The following CUBN variants were observed in gnomAD, a reference collection of about 807,000 sequenced individuals.
CUBN encodes 460 kDa receptor.
CUBN carries 282 observed loss-of-function variants against 405.3 expected under a neutral mutation model. The ratio of observed to expected loss-of-function variants is 0.70; its 90% confidence interval spans 0.63 to 0.77. The LOEUF is 0.77. Ranked by LOEUF, CUBN falls within the 30% of genes least tolerant of loss-of-function variation. CUBN has a pLI of 0.00. For synonymous variants in CUBN, 1,684 were observed against 1,617.0 expected, an observed-to-expected ratio of 1.04 and a Z score of -0.99; for missense variants, 4,514 against 4,475.2, an observed-to-expected ratio of 1.01 and a Z score of -0.25.
chr10:17,114,905 A>G (rs1836853688), intron 7 of CUBN, among the ~76,000 whole-genome samples: 1 of 152,330 alleles, frequency 6.6e-6, no homozygotes, highest in Non-Finnish European at 1.5e-5. Flanking sequence ...TACAAGGCCA[A>G]GAGAAGGTCT....
At chr10:16,977,855 T>G (rs1564458168) in intron 31 of CUBN, among the ~76,000 whole-genome samples, 2 of 152,230 alleles carry the variant, frequency 1.3e-5, no homozygotes, top group Non-Finnish European at 2.9e-5. Flanking sequence ...CCTGCAGCAC[T>G]TGAACAGATG....
chr10:17,027,235 T>G (rs1168114899), intron 27 of CUBN, among the ~76,000 whole-genome samples: 1 of 152,228 alleles, frequency 6.6e-6, no homozygotes, highest in Non-Finnish European at 1.5e-5. Context: ...ATCTCAGAAC[T>G]GTTTCTAATG....
intron 31 of CUBN, among the ~76,000 whole-genome samples, chr10:16,968,958 A>C (rs1588532647): frequency 6.6e-6 from 1 of 152,186 alleles, no homozygotes; most frequent in Admixed American, 6.5e-5. Flanking sequence ...ATGTGTTGAA[A>C]CCTGCCTGCA....
chr10:17,057,154 T>A (rs1835413915), intron 22 of CUBN, among the ~76,000 whole-genome samples: 1 of 152,168 alleles, frequency 6.6e-6, no homozygotes, highest in Admixed American at 6.5e-5. Flanking sequence ...AAGGGTGAGC[T>A]GGTGGTAGAA....
chr10:17,123,933 A>C (rs1036560659), intron 4 of CUBN, among the ~76,000 whole-genome samples: 1 of 152,164 alleles, frequency 6.6e-6, no homozygotes, highest in African/African-American at 2.4e-5. Flanking sequence ...GGTGGGATGA[A>C]GTCTGAGGGG....
intron 56 of CUBN, among the ~76,000 whole-genome samples, chr10:16,886,865 C>T (rs756448728): frequency 2.5e-4 from 38 of 152,278 alleles, no homozygotes; most frequent in Non-Finnish European, 3.8e-4. Context: ...CTAGGCTCAC[C>T]GCAACTTCCG....
chr10:16,849,530 T>C lies in CUBN; in HGVS notation c.9663+1705A>G, dbSNP rs553144923. Among the ~76,000 whole-genome samples the C allele has an allele frequency of 7.2e-5, 11 of 152,342 alleles. No homozygotes were observed. In the South Asian group the frequency reaches 1.0e-3, roughly 14 times the overall value. ...GTCTTGCTCTCACCAAACCACACTGTTATTTTTCTGGCCTCCCAACCTTAG... is the reference window on the plus strand; with the variant it reads ...GTCTTGCTCTCACCAAACCACACTGCTATTTTTCTGGCCTCCCAACCTTAG... On this transcript the variant is annotated intron_variant, in intron 60 of 66. Coordinates refer to ENST00000377833, the MANE Select transcript of CUBN (RefSeq NM_001081.4).
At chr10:16,839,901 G>T (rs1158025088) in intron 62 of CUBN, among the ~76,000 whole-genome samples, 6 of 151,992 alleles carry the variant, frequency 3.9e-5, no homozygotes, top group East Asian at 3.9e-4. Context: ...AAATGATGAG[G>T]TCATGTCCTT....
intron 27 of CUBN, among the ~76,000 whole-genome samples, chr10:17,023,073 C>T (rs968800483): frequency 3.3e-5 from 5 of 152,044 alleles, no homozygotes; most frequent in African/African-American, 9.7e-5. Flanking sequence ...AGAAATGTGG[C>T]ATTTTCACGT....
intron 23 of CUBN, among the ~76,000 whole-genome samples, chr10:17,046,659 G>T (rs1468517888): frequency 1.3e-5 from 2 of 152,092 alleles, no homozygotes; most frequent in African/African-American, 4.8e-5. Flanking sequence ...GTGAGTAACT[G>T]CTGTAAATTA....
chr10:16,870,287 T>C (rs544439115), intron 58 of CUBN, among the ~76,000 whole-genome samples: 25 of 152,354 alleles, frequency 1.6e-4, no homozygotes, highest in African/African-American at 5.8e-4. Flanking sequence ...ATGGGAAGCA[T>C]GTTAATATAA....
At chr10:16,994,079 A>C (rs1249773539) in intron 28 of CUBN, among the ~76,000 whole-genome samples, 1 of 152,226 alleles carries the variant, frequency 6.6e-6, no homozygotes, top group Non-Finnish European at 1.5e-5. Context: ...ATATGCATAC[A>C]TATGTAACAA....
At position 16,932,022 on chromosome 10, in the gene CUBN, G is replaced by A. The variant is rs78929505; in HGVS notation, c.6124+1065C>T. Among the ~76,000 whole-genome samples the A allele has an allele frequency of 4.5e-4, 68 of 152,306 alleles. No individual in the cohort carries two copies. In the East Asian group the frequency reaches 9.7e-3, roughly 22 times the overall value. On this transcript the variant is annotated intron_variant, in intron 40 of 66. Coordinates refer to ENST00000377833, the MANE Select transcript of CUBN (RefSeq NM_001081.4). ...AGTATGCACAGGAAGGCTTAGATGT[G>A]AAGAGGGCATTCTGGTGCTTTGATA...
intron 31 of CUBN, among the ~76,000 whole-genome samples, chr10:16,973,273 T>C (rs1832991275): frequency 6.6e-6 from 1 of 152,172 alleles, no homozygotes; most frequent in Non-Finnish European, 1.5e-5. Flanking sequence ...GGCGAGACTC[T>C]GCCACTTAAA....
chr10:17,060,672 G>A (rs922692675), intron 22 of CUBN, among the ~76,000 whole-genome samples: 5 of 152,130 alleles, frequency 3.3e-5, no homozygotes, highest in Admixed American at 6.5e-5. Flanking sequence ...TTTCCAGAGG[G>A]AAAATATCTG....
intron 22 of CUBN, among the ~76,000 whole-genome samples, chr10:17,064,176 G>T (rs1835561056): frequency 6.6e-6 from 1 of 152,212 alleles, no homozygotes; most frequent in South Asian, 2.1e-4. Context: ...TCCTGCAGAG[G>T]TTCCTACCTG....
chr10:17,069,844 C>T (rs995581487), intron 19 of CUBN, among the ~76,000 whole-genome samples: 4 of 152,192 alleles, frequency 2.6e-5, no homozygotes, highest in African/African-American at 9.6e-5. Flanking sequence ...GCTCAGCCTC[C>T]TTTGCCCATT....
intron 31 of CUBN, among the ~76,000 whole-genome samples, chr10:16,975,044 T>C (rs190827457): frequency 6.8e-6 from 1 of 147,840 alleles, no homozygotes; most frequent in East Asian, 1.9e-4. Context: ...GACTTGAAAG[T>C]TGTATGTAGA....
intron 8 of CUBN, among the ~76,000 whole-genome samples, chr10:17,112,335 A>G (rs1362189676): frequency 6.6e-6 from 1 of 152,110 alleles, no homozygotes; most frequent in East Asian, 1.9e-4. Flanking sequence ...TGATAAGATC[A>G]AAGGTATTTT....
Sources: gnomAD v4.1 joint callset for allele counts (sites outside exome capture counted in the v4.1 genomes callset) on GRCh38, gnomAD v4.1.1 for gene constraint, MANE v1.5 for transcripts, NCBI Gene and HGNC (gene_info 2026-07-23, HGNC 2026-07-21) for gene names.